Variants in COL25A1 observed in about 807,000 individuals in gnomAD.
COL25A1 encodes the protein collagen type XXV alpha 1 chain.
Under a neutral mutation model 128.4 loss-of-function variants are expected in COL25A1, and 103 were observed. The ratio of observed to expected loss-of-function variants is 0.80; its 90% CI spans 0.68 to 0.94. The LOEUF is 0.94. Ranked by LOEUF, COL25A1 falls within the 40% of genes least tolerant of loss-of-function variation. The pLI is 0.00. For synonymous variants in COL25A1, 279 were observed against 277.2 expected, an observed-to-expected ratio of 1.01 and a Z score of -0.06; for missense variants, 745 against 840.0, an observed-to-expected ratio of 0.89 and a Z score of 1.40.
chr4:108,928,121 G>T (rs541044415), intron 11 of COL25A1, among the ~76,000 whole-genome samples: 1 of 151,908 alleles, frequency 6.6e-6, no homozygotes, highest in East Asian at 1.9e-4. Context: ...TACTTCCCTC[G>T]AGTACTATAA....
intron 13 of COL25A1, among the ~76,000 whole-genome samples, chr4:108,913,848 T>C (rs1744551424): frequency 6.6e-6 from 1 of 152,214 alleles, no homozygotes; most frequent in African/African-American, 2.4e-5. Context: ...CTCCAGAGTA[T>C]TTGAAGTAGG....
At chr4:109,093,529 T>A (rs959062584) in intron 3 of COL25A1, among the ~76,000 whole-genome samples, 20 of 151,156 alleles carry the variant, frequency 1.3e-4, no homozygotes, top group Admixed American at 6.6e-4. Context: ...CCCAGCTACC[T>A]GGGAGGCTGA....
chr4:109,153,399 A>G (rs994825909), intron 3 of COL25A1, among the ~76,000 whole-genome samples: 5 of 143,336 alleles, frequency 3.5e-5, no homozygotes, highest in African/African-American at 1.3e-4. Flanking sequence ...AAAAAAAAAA[A>G]GTACTCTGTA....
intron 18 of COL25A1, among the ~76,000 whole-genome samples, chr4:108,885,688 T>C (rs896396495): frequency 6.6e-6 from 1 of 152,158 alleles, no homozygotes; most frequent in African/African-American, 2.4e-5. Context: ...AATTCTCTTT[T>C]ATGTTAAAAA....
At chr4:109,166,950 T>A (rs1052389598) in intron 3 of COL25A1, among the ~76,000 whole-genome samples, 1 of 152,306 alleles carries the variant, frequency 6.6e-6, no homozygotes, top group African/African-American at 2.4e-5. Context: ...AGGAAAGTAC[T>A]TATAGGGTGG....
chr4:108,900,501 C>T (rs1385570506), intron 14 of COL25A1, among the ~76,000 whole-genome samples: 1 of 152,150 alleles, frequency 6.6e-6, no homozygotes, highest in Non-Finnish European at 1.5e-5. Context: ...TGGGATTTGG[C>T]TGCCTGCTTG....
intron 3 of COL25A1, among the ~76,000 whole-genome samples, chr4:109,161,240 T>G (rs530508308): frequency 1.3e-5 from 2 of 152,240 alleles, no homozygotes; most frequent in East Asian, 3.9e-4. Context: ...TTCTTGCAAC[T>G]AGAAGGTGGG....
intron 32 of COL25A1, among the ~76,000 whole-genome samples, chr4:108,829,425 A>G (rs1578472051): frequency 1.4e-5 from 2 of 147,136 alleles, no homozygotes; most frequent in African/African-American, 5.0e-5. Context: ...CTATCTATCT[A>G]TCTATCTATC....
At chr4:108,815,790 G>T (rs986837358) in intron 37 of COL25A1, among the ~76,000 whole-genome samples, 5 of 151,938 alleles carry the variant, frequency 3.3e-5, no homozygotes. Flanking sequence ...CCATTTAAGG[G>T]TATAAACCCC....
intron 8 of COL25A1, among the ~76,000 whole-genome samples, chr4:108,956,339 A>G (rs1328236650): frequency 6.6e-6 from 1 of 152,208 alleles, no homozygotes; most frequent in Non-Finnish European, 1.5e-5. Flanking sequence ...CAATCTACAC[A>G]GATAATAATA....
chr4:109,020,980 T>G (rs1171974625), intron 5 of COL25A1, among the ~76,000 whole-genome samples: 4 of 152,208 alleles, frequency 2.6e-5, no homozygotes, highest in African/African-American at 9.6e-5. Context: ...TAGAAGCTTT[T>G]GAATTTTGCT....
At chr4:109,172,419 GTCTA>G (rs1773674674) in intron 3 of COL25A1, among the ~76,000 whole-genome samples, 1 of 152,180 alleles carries the variant, frequency 6.6e-6, no homozygotes, top group Non-Finnish European at 1.5e-5. Context: ...AGGCAGTAAT[GTCTA>G]AGTTGGGACC....
chr4:109,215,881 C>G (rs1407389062), intron 3 of COL25A1, among the ~76,000 whole-genome samples: 2 of 152,072 alleles, frequency 1.3e-5, no homozygotes, highest in Non-Finnish European at 2.9e-5. Flanking sequence ...TATTAGCACC[C>G]CTCCTCTGAC....
At chr4:108,825,158 A>G (rs1256283410) in intron 34 of COL25A1, 38 bp downstream of exon 34, 3 of 1,535,372 alleles carry the variant, frequency 2.0e-6, no homozygotes, top group Admixed American at 3.4e-5. Flanking sequence ...ATCAACATCT[A>G]TTATAATAGG....
chr4:108,941,062 T>G (rs1288077447), intron 9 of COL25A1, among the ~76,000 whole-genome samples: 4 of 152,242 alleles, frequency 2.6e-5, no homozygotes, highest in African/African-American at 7.2e-5. Context: ...TCCCATCATA[T>G]TGCCTAATAA....
chr4:108,927,540 G>A lies in COL25A1; in HGVS notation c.709-6936C>T, dbSNP rs1006395506. On this transcript the variant is annotated intron_variant, in intron 11 of 37. Coordinates refer to ENST00000399132, the MANE Select transcript of COL25A1 (RefSeq NM_198721.4). The stretch of plus-strand genomic sequence containing the variant: ...TTAAGTATCTGAGATTTTTGTTTCC[G>A]TAATATCACCCCATAATTTCTATTA... Among the ~76,000 whole-genome samples the A allele has an allele frequency of 2.6e-5, 4 of 151,878 alleles. 1 individual carries two copies. The highest frequency in any genetic ancestry group is 4.4e-5 in the Non-Finnish European group (3 of 67,996).
chr4:109,087,724 ATACT>A (rs1006484018), intron 3 of COL25A1, among the ~76,000 whole-genome samples: 6 of 152,196 alleles, frequency 3.9e-5, no homozygotes, highest in Non-Finnish European at 8.8e-5. Flanking sequence ...AGACATTCAA[ATACT>A]TACATTAGGA....
chr4:109,086,506 G>A (rs1764390873), intron 3 of COL25A1, among the ~76,000 whole-genome samples: 1 of 152,116 alleles, frequency 6.6e-6, no homozygotes, highest in Non-Finnish European at 1.5e-5. Flanking sequence ...GTTTTGTGAC[G>A]AGATCTTTAT....
At chr4:108,956,452 C>A (rs1298712399) in intron 8 of COL25A1, among the ~76,000 whole-genome samples, 2 of 152,230 alleles carry the variant, frequency 1.3e-5, no homozygotes, top group Admixed American at 1.3e-4. Context: ...ACCTCCCAGA[C>A]TGGAGTGCAA....
Sources: allele counts gnomAD v4.1 joint callset (sites outside exome capture counted in the v4.1 genomes callset), GRCh38; gene constraint gnomAD v4.1.1; transcripts MANE v1.5; gene names NCBI Gene and HGNC (gene_info 2026-07-23, HGNC 2026-07-21).